The following HMGCLL1 variants were observed in gnomAD, a reference collection of about 807,000 sequenced individuals.
HMGCLL1 encodes 3-hydroxymethyl-3-methylglutaryl-CoA lyase, cytoplasmic.
Under a neutral mutation model 39.1 loss-of-function variants are expected in HMGCLL1, and 36 were observed. That is an observed-to-expected ratio of 0.92 (90% CI 0.71 to 1.22). The LOEUF (loss-of-function observed/expected upper bound fraction) is 1.22. Among genes scored for constraint, HMGCLL1 ranks in the 50% most tolerant of loss-of-function variants. The pLI, the probability that HMGCLL1 is intolerant of heterozygous loss-of-function variation, is 0.00. For synonymous variants in HMGCLL1, 149 were observed against 144.0 expected (o/e 1.03, Z -0.25); for missense variants, 451 against 416.5 (o/e 1.08, Z -0.72).
chr6:55,529,049 G>A (rs1381896241), intron 3 of HMGCLL1, among the ~76,000 whole-genome samples: 1 of 152,034 alleles, frequency 6.6e-6, no homozygotes, highest in Non-Finnish European at 1.5e-5. Context: ...TTATTCAATA[G>A]CATTTCCTAG....
At chr6:55,619,874 A>G in the HMGCLL1 span, among the ~76,000 whole-genome samples, 1 of 151,792 alleles carries the variant, frequency 6.6e-6, no homozygotes, top group Admixed American at 6.6e-5. Context: ...CCTCCATTCT[A>G]CTCTCTATCT....
chr6:55,619,104 C>T, the HMGCLL1 span, among the ~76,000 whole-genome samples: 5 of 151,032 alleles, frequency 3.3e-5, no homozygotes, highest in East Asian at 1.0e-3. Context: ...GCAGGCAAAA[C>T]TGGGGTGGGA....
At chr6:55,524,713 T>C (rs1246796607) in intron 3 of HMGCLL1, among the ~76,000 whole-genome samples, 1 of 151,862 alleles carries the variant, frequency 6.6e-6, no homozygotes, top group Non-Finnish European at 1.5e-5. Context: ...ACTTTGCATT[T>C]TGCCAGAAAC....
At chr6:55,598,270 A>G in the HMGCLL1 span, among the ~76,000 whole-genome samples, 1 of 152,210 alleles carries the variant, frequency 6.6e-6, no homozygotes, top group Non-Finnish European at 1.5e-5. Context: ...TACTTTGACG[A>G]GATACCCTAA....
intron 7 of HMGCLL1, among the ~76,000 whole-genome samples, chr6:55,454,885 T>G (rs1764255665): frequency 2.0e-5 from 3 of 152,176 alleles, no homozygotes; most frequent in Non-Finnish European, 4.4e-5. Context: ...AACTTCAGAA[T>G]TCATTAAACT....
the HMGCLL1 span, among the ~76,000 whole-genome samples, chr6:55,655,536 G>GTAGATAGATAGATACA: frequency 6.8e-6 from 1 of 147,620 alleles, no homozygotes; most frequent in Admixed American, 6.8e-5. Context: ...AGTTATATTG[G>GTAGATAGATAGATACA]TAGATAGATA....
intron 1 of HMGCLL1, among the ~76,000 whole-genome samples, chr6:55,569,360 G>A (rs879467276): frequency 6.6e-6 from 1 of 152,130 alleles, no homozygotes; most frequent in Non-Finnish European, 1.5e-5. Flanking sequence ...CTAAAATTGG[G>A]TTAAGTAGAA....
At chr6:55,600,221 G>A in the HMGCLL1 span, among the ~76,000 whole-genome samples, 5 of 152,008 alleles carry the variant, frequency 3.3e-5, no homozygotes, top group Non-Finnish European at 7.4e-5. Flanking sequence ...AATCCATTAA[G>A]TGAAGTCTAG....
chr6:55,550,104 T>C (rs1052872693), intron 1 of HMGCLL1, among the ~76,000 whole-genome samples: 2 of 151,988 alleles, frequency 1.3e-5, no homozygotes, highest in Admixed American at 6.6e-5. Context: ...AACAGTGTTT[T>C]ATATTTGTTG....
rs1252772892 is a variant in HMGCLL1, at chr6:55,481,451, T to C, written c.795+13968A>G. 2.0e-5 allele frequency among the ~76,000 whole-genome samples: 3 copies of C among 152,190 alleles called. No homozygotes were observed. The South Asian group carries it at 6.2e-4, about 32-fold the overall frequency. On this transcript the variant is annotated intron_variant, in intron 7 of 8. Transcript: ENST00000274901. ...AAGGATAAATGCTTGAGGTGATAGA[T>C]ACCCCATTTATCCTTATAAAATTAT... is the stretch of plus-strand genomic sequence containing the variant.
At chr6:55,614,016 G>T in the HMGCLL1 span, among the ~76,000 whole-genome samples, 1 of 151,938 alleles carries the variant, frequency 6.6e-6, no homozygotes. Flanking sequence ...ACAATAGCAA[G>T]TATTGAAAAA....
intron 7 of HMGCLL1, among the ~76,000 whole-genome samples, chr6:55,491,829 C>G (rs942523178): frequency 1.3e-5 from 2 of 151,902 alleles, no homozygotes; most frequent in East Asian, 1.9e-4. Context: ...ACACTGGGAT[C>G]GACATGCTCA....
intron 4 of HMGCLL1, among the ~76,000 whole-genome samples, chr6:55,515,484 A>G (rs891590128): frequency 6.6e-6 from 1 of 152,124 alleles, no homozygotes. Flanking sequence ...TTGTTATGCC[A>G]ATTTTACAGA....
the HMGCLL1 span, among the ~76,000 whole-genome samples, chr6:55,642,286 A>G: frequency 6.6e-6 from 1 of 150,684 alleles, no homozygotes; most frequent in Non-Finnish European, 1.5e-5. Context: ...TATGTGCCAC[A>G]TTTTCTTAAT....
In HMGCLL1 at chr6:55,570,929, G is replaced by A. The variant is rs115212344; in HGVS notation, c.108+8019C>T. On this transcript the variant is annotated intron_variant, in intron 1 of 8. Coordinates refer to ENST00000274901, the MANE Select transcript of HMGCLL1 (RefSeq NM_001042406.2). ...AGGTGAAAGGCTCATCTTACATGGC[G>A]GCAGGCGAGAGAGAATGAGAGCCAA... is the stretch of plus-strand genomic sequence containing the variant. Among the ~76,000 whole-genome samples, 578 of 152,270 alleles carry A rather than the reference G, an allele frequency of 3.8e-3. 1 individual carries two copies. Among genetic ancestry groups the A allele is most frequent in the Non-Finnish European group, 5.8e-3 (397 of 68,026 alleles).
At chr6:55,525,028 A>ATTT (rs1768244618) in intron 3 of HMGCLL1, among the ~76,000 whole-genome samples, 1 of 151,682 alleles carries the variant, frequency 6.6e-6, no homozygotes, top group African/African-American at 2.4e-5. Context: ...ATGATCAAAC[A>ATTT]GAGTAAAAAT....
the HMGCLL1 span, among the ~76,000 whole-genome samples, chr6:55,611,558 T>C: frequency 6.6e-6 from 1 of 151,918 alleles, no homozygotes; most frequent in African/African-American, 2.4e-5. Flanking sequence ...TGATGCAAAA[T>C]CATCAATAAA....
At chr6:55,567,748 G>A (rs1174158674) in intron 1 of HMGCLL1, among the ~76,000 whole-genome samples, 2 of 152,112 alleles carry the variant, frequency 1.3e-5, no homozygotes, top group Non-Finnish European at 2.9e-5. Flanking sequence ...AGCTCTAGGC[G>A]TTCTGTTTCT....
At chr6:55,630,526 G>C in the HMGCLL1 span, among the ~76,000 whole-genome samples, 1 of 152,020 alleles carries the variant, frequency 6.6e-6, no homozygotes, top group Non-Finnish European at 1.5e-5. Context: ...GGCATGATTG[G>C]TTTTAAAATG....
Sources: gnomAD v4.1 joint callset for allele counts (sites outside exome capture counted in the v4.1 genomes callset) on GRCh38, gnomAD v4.1.1 for gene constraint, MANE v1.5 for transcripts, NCBI Gene and HGNC (gene_info 2026-07-23, HGNC 2026-07-21) for gene names.